Variants in HDLBP observed in about 807,000 individuals in gnomAD.
HDLBP encodes the protein high density lipoprotein binding protein.
In HDLBP, 30 loss-of-function variants were observed where a neutral mutation model predicts 137.3. That is an observed-to-expected ratio of 0.22 (90% CI 0.16 to 0.30). HDLBP has a LOEUF of 0.30. HDLBP is among the 10% of genes least tolerant of loss of function. The pLI is 1.00. For synonymous variants in HDLBP, 606 were observed against 596.0 expected, an observed-to-expected ratio of 1.02 and a Z score of -0.24; for missense variants, 1,119 against 1,667.3, an observed-to-expected ratio of 0.67 and a Z score of 5.73.
In HDLBP at chr2:241,272,491, GAA is replaced by G. The variant is rs1236286237; in HGVS notation, c.-102-3952_-102-3951del. 3.1e-5 allele frequency: 31 copies of G among 984,680 alleles called. No individual in the cohort carries two copies. The highest frequency in any genetic ancestry group is 3.6e-5 in the Non-Finnish European group (30 of 829,734). 61.0% of individuals were successfully genotyped at this position (984,680 alleles called of 1,614,324 possible). ...GGCCCAGCGGCGCCACCGGACTTGA[GAA>G]AGTTTGTGCGCGCCCCTCCGCGCCA... On this transcript the variant is annotated intron_variant, in intron 1 of 27. Transcript: ENST00000310931. The surrounding 1 kb of genome is among the most constrained non-coding windows in gnomAD (Gnocchi z 5.6).
chr2:241,235,688 C>T, intron 21 of HDLBP, 94 bp from the exon 22 acceptor site: 1 of 814,956 alleles, frequency 1.2e-6, no homozygotes, highest in South Asian at 1.5e-5. Context: ...ACAAGGCAAA[C>T]AGCCCTATGA....
chr2:241,255,761 G>T (rs2072563772), intron 7 of HDLBP, among the ~76,000 whole-genome samples, 181 bp from the exon 8 acceptor site: 2 of 152,216 alleles, frequency 1.3e-5, no homozygotes, highest in African/African-American at 4.8e-5. Flanking sequence ...TCAAGGACTG[G>T]ATTTTTCCCC....
In HDLBP at chr2:241,267,480, C is replaced by T. The variant is rs910799106; in HGVS notation, c.-37-574G>A. On this transcript the variant is annotated intron_variant, in intron 2 of 27. Transcript: ENST00000310931. ...CGCAGGGGTGGGGGGACCATGGAAC[C>T]TGCCACCTGCCTGACCCAGGCTCCA... 3 of 1,189,402 alleles carry T rather than the reference C, an allele frequency of 2.5e-6. No homozygotes were observed. The African/African-American group carries it at 4.5e-5, about 18-fold the overall frequency. The allele number at this position is 1,189,402 out of a possible 1,614,324, so 73.7% of individuals were successfully genotyped here.
chr2:241,253,774 C>A (rs1379613533), intron 9 of HDLBP, among the ~76,000 whole-genome samples: 4 of 152,188 alleles, frequency 2.6e-5, no homozygotes, highest in Non-Finnish European at 5.9e-5. Context: ...ATGCGACATG[C>A]GACATGCTCC....
At chr2:241,310,197 T>C (rs1275511900) in intron 1 of HDLBP, among the ~76,000 whole-genome samples, 3 of 152,030 alleles carry the variant, frequency 2.0e-5, no homozygotes, top group Non-Finnish European at 2.9e-5. Flanking sequence ...AAAATAGGAA[T>C]AGAGGGAACA....
chr2:241,262,949 G>C, intron 4 of HDLBP, 23 bp from the exon 5 acceptor site: 13 of 1,585,274 alleles, frequency 8.2e-6, no homozygotes, highest in Non-Finnish European at 1.1e-5. Context: ...GATCAAAAAA[G>C]GAAAGGTTAA....
intron 1 of HDLBP, among the ~76,000 whole-genome samples, chr2:241,313,600 C>T (rs996894744): frequency 2.1e-4 from 32 of 152,280 alleles, no homozygotes; most frequent in African/African-American, 6.7e-4. Context: ...ATCCTCTCAA[C>T]CTTTGTATCT....
chr2:241,313,107 C>G (rs1373091101), intron 1 of HDLBP, among the ~76,000 whole-genome samples: 1 of 152,192 alleles, frequency 6.6e-6, no homozygotes, highest in Non-Finnish European at 1.5e-5. Context: ...GTTCAAGGAC[C>G]ACATTCTGTA....
At chr2:241,234,906 G>A (rs1574847954) in intron 23 of HDLBP, among the ~76,000 whole-genome samples, 1 of 152,194 alleles carries the variant, frequency 6.6e-6, no homozygotes, top group Admixed American at 6.5e-5. Context: ...GTCCAACTTT[G>A]TCACTTTTTT....
chr2:241,313,441 G>A (rs2075819808), intron 1 of HDLBP, among the ~76,000 whole-genome samples: 1 of 152,036 alleles, frequency 6.6e-6, no homozygotes, highest in African/African-American at 2.4e-5. Context: ...CACCATGCCA[G>A]GCTAATTTTT....
intron 7 of HDLBP, 74 bp from the exon 8 acceptor site, chr2:241,255,654 G>T: frequency 8.2e-7 from 1 of 1,214,030 alleles, no homozygotes; most frequent in Non-Finnish European, 1.2e-6. Context: ...GGCCACTGCT[G>T]CAGAAAGCAA....
intron 1 of HDLBP, among the ~76,000 whole-genome samples, chr2:241,297,238 T>A (rs1385942246): frequency 6.6e-6 from 1 of 152,092 alleles, no homozygotes; most frequent in Admixed American, 6.6e-5. Context: ...TGACAGCAGC[T>A]GAGTGAGATG....
rs113824608 is a variant in HDLBP at position 241,279,061 on chromosome 2, T to G, written c.-102-10520A>C. Among the ~76,000 whole-genome samples, 102 of 33,432 alleles carry G rather than the reference T, an allele frequency of 3.1e-3. 1 individual carries two copies. The highest frequency in any genetic ancestry group is 6.9e-3 in the African/African-American group (92 of 13,244). 21.9% of individuals were successfully genotyped at this position (33,432 alleles called of 152,430 possible). On this transcript the variant is annotated intron_variant, in intron 1 of 27. Coordinates refer to ENST00000310931, the MANE Select transcript of HDLBP (RefSeq NM_005336.6). ...TCTAAAAAAATTTTTTAAAATCTAA[T>G]TAAGAAAAAAAATGTGATTTATAGA...
chr2:241,313,582 A>G (rs2149736130), intron 1 of HDLBP, among the ~76,000 whole-genome samples: 1 of 152,290 alleles, frequency 6.6e-6, no homozygotes, highest in East Asian at 1.9e-4. Flanking sequence ...CCTGGTCGAA[A>G]AGACTATATC....
At chr2:241,282,036 A>C (rs1334664756) in intron 1 of HDLBP, among the ~76,000 whole-genome samples, 1 of 152,238 alleles carries the variant, frequency 6.6e-6, no homozygotes, top group African/African-American at 2.4e-5. Flanking sequence ...ATAAATTTAC[A>C]TTAGGGGAAA....
At chr2:241,288,507 T>A (rs1442429646) in intron 1 of HDLBP, among the ~76,000 whole-genome samples, 1 of 152,220 alleles carries the variant, frequency 6.6e-6, no homozygotes. Flanking sequence ...TGGGCAGAGC[T>A]TATTCCCACT....
chr2:241,257,593 C>G lies in HDLBP; in HGVS notation c.451-787G>C, dbSNP rs4675974. Among the ~76,000 whole-genome samples, 1,272 of 152,220 alleles carry G rather than the reference C, an allele frequency of 8.4e-3. 7 individuals are homozygous for G. The highest frequency in any genetic ancestry group is 0.013 in the Non-Finnish European group (851 of 68,012). Reference sequence around the variant, plus strand: ...AAAAGGACAAGAAAATAGCAAGACACAAGCCCAACACAAGGTGGAGTATGT... The same window carrying G: ...AAAAGGACAAGAAAATAGCAAGACAGAAGCCCAACACAAGGTGGAGTATGT... On this transcript the variant is annotated intron_variant, in intron 5 of 27. Coordinates refer to ENST00000310931, the MANE Select transcript of HDLBP (RefSeq NM_005336.6).
chr2:241,246,297 G>A (rs1559496630), intron 16 of HDLBP, among the ~76,000 whole-genome samples: 1 of 152,154 alleles, frequency 6.6e-6, no homozygotes, highest in Non-Finnish European at 1.5e-5. Flanking sequence ...GTTTTCAGGA[G>A]CTGCCAAGTG....
At chr2:241,267,011 C>T (rs1362381281) in intron 2 of HDLBP, 105 bp from the exon 3 acceptor site, 1 of 784,410 alleles carries the variant, frequency 1.3e-6, no homozygotes, top group African/African-American at 1.7e-5. Flanking sequence ...TTTTTACCAG[C>T]AAACTATACC....
Sources: allele counts gnomAD v4.1 joint callset (sites outside exome capture counted in the v4.1 genomes callset), GRCh38; gene constraint gnomAD v4.1.1; non-coding constraint Gnocchi (gnomAD v3.1); transcripts MANE v1.5; gene names NCBI Gene and HGNC (gene_info 2026-07-23, HGNC 2026-07-21).